The following PPP2CA variants were observed in gnomAD, a reference collection of about 807,000 sequenced individuals.
PPP2CA encodes protein phosphatase 2 catalytic subunit alpha, also known as serine/threonine-protein phosphatase 2A catalytic subunit alpha isoform.
PPP2CA carries 5 observed loss-of-function variants against 38.8 expected under a neutral mutation model. That is an observed-to-expected ratio of 0.13 (90% CI 0.07 to 0.27). PPP2CA has a LOEUF of 0.27. Among genes scored for constraint, PPP2CA ranks in the 10% least tolerant of loss-of-function variants. The pLI is 1.00. For synonymous variants in PPP2CA, 152 were observed against 134.0 expected (o/e 1.13, Z -0.93); for missense variants, 88 against 389.7 (o/e 0.23, Z 6.52).
intron 1 of PPP2CA, among the ~76,000 whole-genome samples, chr5:134,209,910 T>C (rs1160787705): frequency 6.6e-6 from 1 of 151,994 alleles, no homozygotes; most frequent in Non-Finnish European, 1.5e-5. Flanking sequence ...CCCCTCTCTA[T>C]AGAAAATAAA....
chr5:134,209,095 T>C (rs1031428238), intron 1 of PPP2CA, among the ~76,000 whole-genome samples: 1 of 152,300 alleles, frequency 6.6e-6, no homozygotes, highest in Non-Finnish European at 1.5e-5. Flanking sequence ...CATTATCAAA[T>C]TGTCCTTTAA....
At chr5:134,202,108 G>A in intron 2 of PPP2CA, 87 bp from the exon 3 acceptor site, 1 of 1,360,938 alleles carries the variant, frequency 7.3e-7, no homozygotes, top group Non-Finnish European at 9.9e-7. Flanking sequence ...AAAAAATGCA[G>A]TTACAATTTT....
chr5:134,210,660 A>C (rs1227917654), intron 1 of PPP2CA, among the ~76,000 whole-genome samples: 1 of 152,182 alleles, frequency 6.6e-6, no homozygotes, highest in African/African-American at 2.4e-5. Context: ...CCTGACCAAC[A>C]TAGTGAAACC....
chr5:134,204,518 G>A (rs1762035830), intron 2 of PPP2CA, among the ~76,000 whole-genome samples: 1 of 152,206 alleles, frequency 6.6e-6, no homozygotes, highest in African/African-American at 2.4e-5. Context: ...CTGGAGTGCA[G>A]TGGTGCATCA....
rs1369926165 is a variant in PPP2CA at position 134,197,439 on chromosome 5, T to G, written c.*333A>C. 4.0e-6 allele frequency: 1 copy of G among 247,214 alleles called. No individual in the cohort carries two copies. Among genetic ancestry groups the G allele is most frequent in the Non-Finnish European group, 8.0e-6 (1 of 125,694 alleles). The allele number at this position is 247,214 out of a possible 1,614,324, so 15.3% of individuals were successfully genotyped here. ...GAGTAAAGCTATAGCTAAATGGAAG[T>G]TAAATTGTATTCACGAGGTGTTAAT... On this transcript the variant is annotated 3_prime_UTR_variant, in exon 7 of 7. Coordinates refer to ENST00000481195, the MANE Select transcript of PPP2CA (RefSeq NM_002715.4).
intron 5 of PPP2CA, among the ~76,000 whole-genome samples, chr5:134,199,973 C>T (rs536649960): frequency 2.0e-5 from 3 of 152,296 alleles, no homozygotes; most frequent in South Asian, 2.1e-4. Flanking sequence ...AAAACATTTT[C>T]GTGTATTTCT....
chr5:134,217,969 T>A (rs1462479852), intron 1 of PPP2CA, among the ~76,000 whole-genome samples: 1 of 152,172 alleles, frequency 6.6e-6, no homozygotes, highest in Non-Finnish European at 1.5e-5. Context: ...AGTATTTGTA[T>A]AACTAAACAT....
rs767359243 is a variant in PPP2CA at position 134,197,751 on chromosome 5, C to G, written c.*21G>C. ...GGTCGATATATGGTTCATGGCAATA[C>G]TGTACAAGTTTAAAATTTCATTACA... On this transcript the variant is annotated 3_prime_UTR_variant, in exon 7 of 7. Coordinates refer to ENST00000481195, the MANE Select transcript of PPP2CA (RefSeq NM_002715.4). The G allele has an allele frequency of 1.3e-6, 2 of 1,593,568 alleles. No homozygotes were observed. Among genetic ancestry groups the G allele is most frequent in the African/African-American group, 2.7e-5 (2 of 74,432 alleles).
intron 1 of PPP2CA, among the ~76,000 whole-genome samples, chr5:134,211,939 G>C (rs558655755): frequency 7.2e-5 from 11 of 152,010 alleles, no homozygotes; most frequent in Non-Finnish European, 1.3e-4. Flanking sequence ...CCAACATGGT[G>C]AAACCCCATC....
At chr5:134,207,087 G>A (rs993896172) in intron 1 of PPP2CA, among the ~76,000 whole-genome samples, 6 of 152,226 alleles carry the variant, frequency 3.9e-5, no homozygotes, top group Non-Finnish European at 7.3e-5. Context: ...GCATTGGTAT[G>A]CAATCTTAGC....
intron 4 of PPP2CA, 83 bp from the exon 5 acceptor site, chr5:134,200,579 CT>C: frequency 7.0e-7 from 1 of 1,435,302 alleles, no homozygotes; most frequent in Non-Finnish European, 9.5e-7. Flanking sequence ...AAGCAGCACC[CT>C]AAGCCACCCT....
chr5:134,197,532 A>G lies in PPP2CA; in HGVS notation c.*240T>C. Reference sequence around the variant, plus strand: ...TAACTACAAATAGCGCTATGCCAGAAACTGGTTTCTTGACCAACAATGTCG... The same window carrying G: ...TAACTACAAATAGCGCTATGCCAGAGACTGGTTTCTTGACCAACAATGTCG... On this transcript the variant is annotated 3_prime_UTR_variant, in exon 7 of 7. Coordinates refer to ENST00000481195, the MANE Select transcript of PPP2CA (RefSeq NM_002715.4). 2.0e-6 allele frequency: 1 copy of G among 510,238 alleles called. No individual in the cohort carries two copies. The highest frequency in any genetic ancestry group is 3.5e-6 in the Non-Finnish European group (1 of 282,726). 31.6% of individuals were successfully genotyped at this position (510,238 alleles called of 1,614,324 possible). A position where few individuals can be genotyped will look rare whatever the true frequency, so the allele number is the denominator to read the frequency against.
chr5:134,218,836 A>AT (rs1394987576), intron 1 of PPP2CA, among the ~76,000 whole-genome samples: 1 of 151,672 alleles, frequency 6.6e-6, no homozygotes, highest in Non-Finnish European at 1.5e-5. Context: ...GCCTGGCTAA[A>AT]TTTTTTGTAT....
chr5:134,221,156 G>A (rs887478382), intron 1 of PPP2CA, among the ~76,000 whole-genome samples: 1 of 152,198 alleles, frequency 6.6e-6, no homozygotes, highest in African/African-American at 2.4e-5. Context: ...CTGTCGCCCA[G>A]GCTGGAGTGC....
intron 1 of PPP2CA, among the ~76,000 whole-genome samples, chr5:134,214,115 T>C (rs144443632): frequency 6.6e-6 from 1 of 152,080 alleles, no homozygotes; most frequent in East Asian, 1.9e-4. Context: ...TGCAACACAG[T>C]AAGACTCTCT....
chr5:134,206,399 T>C (rs1762084139), intron 1 of PPP2CA, among the ~76,000 whole-genome samples: 1 of 152,244 alleles, frequency 6.6e-6, no homozygotes, highest in African/African-American at 2.4e-5. Context: ...TAAATACTAA[T>C]TGTTAGCTGT....
chr5:134,201,172 G>A, intron 3 of PPP2CA, 98 bp from the exon 4 acceptor site: 1 of 899,188 alleles, frequency 1.1e-6, no homozygotes, highest in Non-Finnish European at 1.8e-6. Flanking sequence ...AGCACTTTGG[G>A]AAGCTGAGGC....
Position 134,199,452 on chromosome 5 carries a change from G to C in PPP2CA, c.739-248C>G. ...TTTTTAGTACTTTAAAAAAAAAAAG[G>C]CTTTAACAAACAGCAGCAACCACCA... On this transcript the variant is annotated intron_variant, in intron 5 of 6. Transcript: ENST00000481195. 6.1e-6 allele frequency: 2 copies of C among 327,188 alleles called. 1 individual carries two copies. The highest frequency in any genetic ancestry group is 1.7e-4 in the South Asian group (2 of 11,476). 20.3% of individuals were successfully genotyped at this position (327,188 alleles called of 1,614,324 possible).
chr5:134,211,419 C>T (rs1265065254), intron 1 of PPP2CA, among the ~76,000 whole-genome samples: 1 of 151,722 alleles, frequency 6.6e-6, no homozygotes, highest in African/African-American at 2.4e-5. Context: ...AAATTACAAA[C>T]AAAGCAGGCT....
Sources: allele counts gnomAD v4.1 joint callset (sites outside exome capture counted in the v4.1 genomes callset), GRCh38; gene constraint gnomAD v4.1.1; transcripts MANE v1.5; gene names NCBI Gene and HGNC (gene_info 2026-07-23, HGNC 2026-07-21).